Variants in CNTLN observed in about 807,000 individuals in gnomAD.
CNTLN encodes the protein centlein, centrosomal protein.
In CNTLN, 212 loss-of-function variants were observed where a neutral mutation model predicts 180.0. The ratio of observed to expected loss-of-function variants is 1.18; its 90% CI spans 1.05 to 1.32. The LOEUF (loss-of-function observed/expected upper bound fraction) is 1.32, where lower values mean the gene tolerates loss of function less well. Ranked by LOEUF, CNTLN falls within the 40% of genes most tolerant of loss-of-function variation. The pLI is 0.00. For synonymous variants in CNTLN, 722 were observed against 563.1 expected (o/e 1.28, Z -3.99); for missense variants, 2,095 against 1,610.9 (o/e 1.30, Z -5.14).
chr9:17,356,069 A>AG (rs1822816680), intron 12 of CNTLN, among the ~76,000 whole-genome samples: 4 of 101,160 alleles, frequency 4.0e-5, no homozygotes, highest in Non-Finnish European at 2.1e-5. Context: ...ATCTCAAAAA[A>AG]AAAAAAAAAA....
chr9:17,405,064 C>T (rs1827272428), intron 15 of CNTLN, among the ~76,000 whole-genome samples: 1 of 151,680 alleles, frequency 6.6e-6, no homozygotes, highest in African/African-American at 2.4e-5. Context: ...AGGGTCACTA[C>T]CACTTTGCCA....
chr9:17,215,792 G>T (rs1206786649), intron 2 of CNTLN, among the ~76,000 whole-genome samples: 2 of 152,118 alleles, frequency 1.3e-5, no homozygotes, highest in East Asian at 3.9e-4. Context: ...CTTGCAGTTC[G>T]ATCTCAGACT....
At chr9:17,455,977 A>G (rs1332639556) in intron 18 of CNTLN, among the ~76,000 whole-genome samples, 1 of 152,158 alleles carries the variant, frequency 6.6e-6, no homozygotes, top group East Asian at 1.9e-4. Flanking sequence ...TGGTCAGTGT[A>G]GTTTTAGGAA....
At chr9:17,516,507 A>G in the CNTLN span, among the ~76,000 whole-genome samples, 1 of 152,218 alleles carries the variant, frequency 6.6e-6, no homozygotes, top group East Asian at 1.9e-4. Flanking sequence ...ATGAAGAAGG[A>G]ACAGTTGTGC....
chr9:17,477,299 T>C (rs896548866), intron 23 of CNTLN, among the ~76,000 whole-genome samples: 1 of 152,234 alleles, frequency 6.6e-6, no homozygotes, highest in African/African-American at 2.4e-5. Context: ...CCTGCTAATA[T>C]AGTATCCATT....
intron 5 of CNTLN, among the ~76,000 whole-genome samples, chr9:17,247,831 TTTC>T (rs2132249859): frequency 7.0e-6 from 1 of 142,810 alleles, no homozygotes; most frequent in African/African-American, 2.7e-5. Flanking sequence ...TTCTCTGTTC[TTTC>T]TTTTTTTTTT....
intron 2 of CNTLN, among the ~76,000 whole-genome samples, chr9:17,202,652 T>TG (rs1681018563): frequency 9.4e-6 from 1 of 106,404 alleles, no homozygotes; most frequent in Non-Finnish European, 1.9e-5. Flanking sequence ...CTCTGTTTTT[T>TG]TTTTTTTTTT....
At chr9:17,414,185 T>G (rs1243117420) in intron 16 of CNTLN, among the ~76,000 whole-genome samples, 2 of 152,208 alleles carry the variant, frequency 1.3e-5, no homozygotes, top group African/African-American at 4.8e-5. Flanking sequence ...CAGTTCTACA[T>G]TTTGCTGGCC....
chr9:17,457,568 T>G lies in CNTLN; in HGVS notation c.3159T>G (p.Asp1053Glu), dbSNP rs1438773045. The change falls in exon 19 of 26, where the codon GAT becomes GAG. Residue 1053 changes from aspartate to glutamate, a missense_variant. Asp to Glu is a conservative substitution (Grantham distance 45, BLOSUM62 2). Transcript: ENST00000380647. ...DLAGLRKEKE[D>E]LLKKLESSSE... Reference sequence around the variant, plus strand: ...CTGGGCTTCGGAAAGAAAAAGAAGATTTACTAAAGAAATTGGAGTCCTCAT... The same window carrying G: ...CTGGGCTTCGGAAAGAAAAAGAAGAGTTACTAAAGAAATTGGAGTCCTCAT... The G allele has an allele frequency of 1.3e-6, 2 of 1,534,474 alleles. No homozygotes were observed. Among genetic ancestry groups the G allele is most frequent in the Non-Finnish European group, 1.8e-6 (2 of 1,139,278 alleles).
intron 6 of CNTLN, among the ~76,000 whole-genome samples, chr9:17,295,826 A>G (rs558469238): frequency 1.9e-4 from 29 of 152,198 alleles, no homozygotes; most frequent in Admixed American, 1.9e-3. Context: ...ATATCTACAT[A>G]GTATAAGAGT....
At position 17,191,403 on chromosome 9, in the gene CNTLN, C is replaced by G. The variant is rs540498432; in HGVS notation, c.450-34800C>G. 2.6e-5 allele frequency among the ~76,000 whole-genome samples: 4 copies of G among 152,318 alleles called. No homozygotes were observed. The South Asian group carries it at 8.3e-4, about 32-fold the overall frequency. ...AGATGTCAAGTATTGCTGTTTCTTT[C>G]AAACCCTTAGAATATTTCACAGTGC... is the stretch of plus-strand genomic sequence containing the variant. On this transcript the variant is annotated intron_variant, in intron 2 of 25. Coordinates refer to ENST00000380647, the MANE Select transcript of CNTLN (RefSeq NM_017738.4).
chr9:17,493,551 C>G (rs754097049), intron 25 of CNTLN, among the ~76,000 whole-genome samples: 20 of 152,142 alleles, frequency 1.3e-4, no homozygotes, highest in Non-Finnish European at 2.5e-4. Context: ...ATTCTTGCAC[C>G]TTGAAAAGCC....
At chr9:17,382,939 C>T (rs915750302) in intron 13 of CNTLN, among the ~76,000 whole-genome samples, 1 of 151,992 alleles carries the variant, frequency 6.6e-6, no homozygotes, top group Non-Finnish European at 1.5e-5. Context: ...AAATAAAACC[C>T]CAAAAGTGCT....
intron 5 of CNTLN, among the ~76,000 whole-genome samples, chr9:17,247,116 T>C (rs1001579255): frequency 6.6e-6 from 1 of 152,148 alleles, no homozygotes; most frequent in African/African-American, 2.4e-5. Context: ...GATACAAGTA[T>C]TCCCTGTGCT....
At chr9:17,330,197 T>G (rs1055447126) in intron 8 of CNTLN, among the ~76,000 whole-genome samples, 1 of 152,116 alleles carries the variant, frequency 6.6e-6, no homozygotes, top group African/African-American at 2.4e-5. Context: ...CAGTAAAAGC[T>G]GATTGTACTT....
At chr9:17,258,960 C>G (rs921638854) in intron 5 of CNTLN, among the ~76,000 whole-genome samples, 3 of 150,430 alleles carry the variant, frequency 2.0e-5, no homozygotes, top group Non-Finnish European at 4.4e-5. Context: ...ATTGAATACC[C>G]TTTATTTCCT....
At chr9:17,204,761 G>T (rs11562136) in intron 2 of CNTLN, among the ~76,000 whole-genome samples, 1 of 151,988 alleles carries the variant, frequency 6.6e-6, no homozygotes, top group Non-Finnish European at 1.5e-5. Context: ...AGCCAGGAAA[G>T]ATTAAGCCCG....
intron 2 of CNTLN, among the ~76,000 whole-genome samples, chr9:17,178,882 C>A (rs1450281059): frequency 6.6e-6 from 1 of 152,276 alleles, no homozygotes; most frequent in African/African-American, 2.4e-5. Context: ...GAGTGGGCGC[C>A]AAGGCCGAGG....
At chr9:17,153,000 C>G (rs769475727) in intron 2 of CNTLN, among the ~76,000 whole-genome samples, 1 of 151,688 alleles carries the variant, frequency 6.6e-6, no homozygotes. Context: ...TTTTGCTTTC[C>G]ATTTGCTTGG....
Sources: allele counts gnomAD v4.1 joint callset (sites outside exome capture counted in the v4.1 genomes callset), GRCh38; gene constraint gnomAD v4.1.1; transcripts MANE v1.5; gene names NCBI Gene and HGNC (gene_info 2026-07-23, HGNC 2026-07-21).